CFAP206: variants seen among roughly 807,000 people sequenced by gnomAD.
The protein encoded by CFAP206 is cilia- and flagella-associated protein 206.
In CFAP206, 53 loss-of-function variants were observed where a neutral mutation model predicts 65.4. That is an observed-to-expected ratio of 0.81 (90% CI 0.65 to 1.02). CFAP206 has a LOEUF of 1.02. Ranked by LOEUF, CFAP206 falls within the 50% of genes least tolerant of loss-of-function variation. The pLI is 0.00. For synonymous variants in CFAP206, 250 were observed against 254.4 expected, an observed-to-expected ratio of 0.98 and a Z score of 0.17; for missense variants, 663 against 753.2, an observed-to-expected ratio of 0.88 and a Z score of 1.40.
intron 10 of CFAP206, 38 bp downstream of exon 10, chr6:87,431,211 A>G: frequency 6.3e-7 from 1 of 1,584,364 alleles, no homozygotes; most frequent in Non-Finnish European, 8.6e-7. Flanking sequence ...CCTTTCCCCG[A>G]TTTTTTCTTT....
chr6:87,415,214 C>G (rs1767804570), intron 4 of CFAP206, among the ~76,000 whole-genome samples: 1 of 151,658 alleles, frequency 6.6e-6, no homozygotes, highest in Non-Finnish European at 1.5e-5. Flanking sequence ...ATACACGTAA[C>G]CGAAAGGAAC....
chr6:87,460,780 A>G (rs1030902733), intron 11 of CFAP206, among the ~76,000 whole-genome samples: 17 of 152,076 alleles, frequency 1.1e-4, no homozygotes, highest in African/African-American at 3.9e-4. Flanking sequence ...TGAATCTAAA[A>G]TAAAAGTTAA....
At chr6:87,456,708 T>G (rs1768648635) in intron 11 of CFAP206, among the ~76,000 whole-genome samples, 1 of 152,222 alleles carries the variant, frequency 6.6e-6, no homozygotes, top group Admixed American at 6.5e-5. Context: ...CAGTAGCATT[T>G]CTGTATGCTA....
chr6:87,422,116 T>A (rs530390294), intron 7 of CFAP206, among the ~76,000 whole-genome samples: 7 of 152,282 alleles, frequency 4.6e-5, no homozygotes, highest in Admixed American at 2.0e-4. Context: ...AAAATTTTTT[T>A]AAGTGATAGC....
intron 12 of CFAP206, among the ~76,000 whole-genome samples, chr6:87,462,915 A>G (rs1412652286): frequency 1.3e-5 from 2 of 152,222 alleles, no homozygotes; most frequent in Admixed American, 1.3e-4. Flanking sequence ...TACAGCCATA[A>G]GGGAAAACAC....
At chr6:87,450,275 C>T (rs1768517039) in intron 11 of CFAP206, among the ~76,000 whole-genome samples, 2 of 152,054 alleles carry the variant, frequency 1.3e-5, no homozygotes, top group South Asian at 2.1e-4. Flanking sequence ...GTTCTCTTTG[C>T]TCAGGATTGC....
At chr6:87,433,642 T>G (rs1430782114) in intron 10 of CFAP206, among the ~76,000 whole-genome samples, 3 of 152,224 alleles carry the variant, frequency 2.0e-5, no homozygotes, top group African/African-American at 7.2e-5. Context: ...ACAATTATTA[T>G]ATCTGGATAG....
intron 11 of CFAP206, chr6:87,441,297 T>G (rs1458022057): frequency 6.2e-6 from 1 of 160,590 alleles, no homozygotes. Flanking sequence ...TGAGTGACAT[T>G]TAAAACTATG....
rs942996119 is a variant in CFAP206 at position 87,410,636 on chromosome 6, C to T, written c.160C>T (p.Leu54Phe). Reference protein sequence around the residue: ...PSNGFNMDRTLMKSDVQNLVK... With the variant: ...PSNGFNMDRTFMKSDVQNLVK... ...TAATGGCTTTAACATGGATAGAACC[C>T]TCATGAAAAGTGATGTGCAGAATCT... The change falls in exon 3 of 13, where the codon CTC becomes TTC. Residue 54 changes from leucine (L) to phenylalanine (F), a missense_variant. Physicochemically the swap from Leu to Phe is conservative, Grantham distance 22. Transcript: ENST00000369562. 5 of 1,613,948 alleles carry T rather than the reference C, an allele frequency of 3.1e-6. No individual in the cohort carries two copies. The Admixed American group carries it at 5.0e-5, about 16-fold the overall frequency.
intron 11 of CFAP206, among the ~76,000 whole-genome samples, chr6:87,448,404 G>A (rs1768484329): frequency 6.6e-6 from 1 of 151,962 alleles, no homozygotes; most frequent in South Asian, 2.1e-4. Flanking sequence ...ATATATTTGT[G>A]GGGTACATGT....
intron 4 of CFAP206, among the ~76,000 whole-genome samples, chr6:87,414,946 G>A (rs1332485278): frequency 6.6e-6 from 1 of 152,090 alleles, no homozygotes; most frequent in Non-Finnish European, 1.5e-5. Context: ...GTTCTCAGTT[G>A]GTTTTGTGGC....
At chr6:87,433,999 C>T (rs1482691071) in intron 10 of CFAP206, among the ~76,000 whole-genome samples, 1 of 151,804 alleles carries the variant, frequency 6.6e-6, no homozygotes, top group Non-Finnish European at 1.5e-5. Context: ...ACTCAGGAGG[C>T]TGAGACAGGA....
intron 11 of CFAP206, chr6:87,445,039 G>T: frequency 1.9e-6 from 1 of 517,676 alleles, no homozygotes; most frequent in South Asian, 1.4e-5. Flanking sequence ...GTCAAGAGAG[G>T]ATTCAGCTTG....
In CFAP206 at chr6:87,464,435, T is replaced by C. The variant is rs186705545; in HGVS notation, c.*185T>C. The C allele has an allele frequency of 7.1e-4, 311 of 435,236 alleles. 2 individuals are homozygous for C. Among genetic ancestry groups the C allele is most frequent in the Non-Finnish European group, 3.4e-4 (84 of 248,552 alleles). The allele number at this position is 435,236 out of a possible 1,614,324, so 27.0% of individuals were successfully genotyped here. A position where few individuals can be genotyped will look rare whatever the true frequency, so the allele number is the denominator to read the frequency against. On this transcript the variant is annotated 3_prime_UTR_variant, in exon 13 of 13. Transcript: ENST00000369562. The stretch of plus-strand genomic sequence containing the variant: ...TAACACATTTTTCATTCTGTTGAAA[T>C]TGAAAAATAAAACTGTCCATTTATC...
chr6:87,454,394 TTACAG>T lies in CFAP206; in HGVS notation c.1495-6623_1495-6619del, dbSNP rs555932849. Among the ~76,000 whole-genome samples the T allele has an allele frequency of 6.9e-4, 105 of 152,258 alleles. 2 individuals carry two copies. The highest frequency in any genetic ancestry group is 2.5e-3 in the African/African-American group (102 of 41,548). ...ACTGTAGGCCAAATTGACCAAATAC[TTACAG>T]TACATTTTGTTCAAAGGCGACAGAA... On this transcript the variant is annotated intron_variant, in intron 11 of 12. Coordinates refer to ENST00000369562, the MANE Select transcript of CFAP206 (RefSeq NM_001031743.3).
chr6:87,409,773 AG>A (rs1276996280), intron 1 of CFAP206, 61 bp from the exon 2 acceptor site: 6 of 1,056,226 alleles, frequency 5.7e-6, no homozygotes, highest in Non-Finnish European at 8.6e-6. Context: ...AAATCAAAAG[AG>A]GAAAAAAATA....
In CFAP206 at chr6:87,454,844, C is replaced by CAAA. The variant is rs200119526; in HGVS notation, c.1495-6165_1495-6163dup. 8.3e-3 allele frequency among the ~76,000 whole-genome samples: 743 copies of CAAA among 89,608 alleles called. 13 individuals carry two copies. Among genetic ancestry groups the CAAA allele is most frequent in the African/African-American group, 0.019 (421 of 22,396 alleles). 58.8% of individuals were successfully genotyped at this position (89,608 alleles called of 152,430 possible). A position where few individuals can be genotyped will look rare whatever the true frequency, so the allele number is the denominator to read the frequency against. The stretch of plus-strand genomic sequence containing the variant: ...TGGGTGACAGAGTGAGACTCTGTCT[C>CAAA]AAAAAAAAAAAAAAACAAAACAAAA... On this transcript the variant is annotated intron_variant, in intron 11 of 12. Transcript: ENST00000369562.
Position 87,444,608 on chromosome 6 carries a change from A to T in CFAP206, c.1494+9555A>T, listed in dbSNP as rs138662942. 1,119 of 312,212 alleles carry T rather than the reference A, an allele frequency of 3.6e-3. 16 individuals are homozygous for T. The highest frequency in any genetic ancestry group is 0.023 in the African/African-American group (1,028 of 45,124). The allele number at this position is 312,212 out of a possible 1,614,324, so 19.3% of individuals were successfully genotyped here. On this transcript the variant is annotated intron_variant, in intron 11 of 12. Transcript: ENST00000369562. ...CCATTCCAGGCATTCCTTCATGAAC[A>T]TTAACAGGCCTTCCCACAGGAAAGC...
At chr6:87,458,789 A>C (rs1466472945) in intron 11 of CFAP206, among the ~76,000 whole-genome samples, 3 of 152,156 alleles carry the variant, frequency 2.0e-5, no homozygotes, top group Non-Finnish European at 4.4e-5. Flanking sequence ...TTTGTTGTAC[A>C]TTTCAGAATA....
Sources: gnomAD v4.1 joint callset for allele counts (sites outside exome capture counted in the v4.1 genomes callset) on GRCh38, gnomAD v4.1.1 for gene constraint, MANE v1.5 for transcripts, NCBI Gene and HGNC (gene_info 2026-07-23, HGNC 2026-07-21) for gene names.